SENP2: variants seen among roughly 807,000 people sequenced by gnomAD.
SENP2 encodes the protein SUMO specific peptidase 2.
Under a neutral mutation model 86.3 loss-of-function variants are expected in SENP2, and 16 were observed. That is an observed-to-expected ratio of 0.19 (90% CI 0.13 to 0.28). The LOEUF is 0.28. Ranked by LOEUF, SENP2 falls within the 10% of genes least tolerant of loss-of-function variation. The pLI is 1.00. For missense variants in SENP2, 552 were observed against 703.0 expected, an observed-to-expected ratio of 0.79 and a Z score of 2.43; for synonymous variants, 222 against 238.7, an observed-to-expected ratio of 0.93 and a Z score of 0.64.
In SENP2 at chr3:185,586,538, C is replaced by T; in HGVS notation, c.101+24C>T. 1.3e-6 allele frequency: 2 copies of T among 1,598,664 alleles called. No individual in the cohort carries two copies. The highest frequency in any genetic ancestry group is 1.7e-6 in the Non-Finnish European group (2 of 1,170,374). ...AGGTGAGACGAGAGGGGGCTGAGCG[C>T]CAGCCTGGCCTTACCCCCTCCCCCA... On this transcript the variant is annotated intron_variant, in intron 1 of 16. Coordinates refer to ENST00000296257, the MANE Select transcript of SENP2 (RefSeq NM_021627.3). The surrounding 1 kb of genome is among the most constrained non-coding windows in gnomAD (Gnocchi z 4.3).
In SENP2 at chr3:185,617,554, G is replaced by T; in HGVS notation, c.1185G>T (p.Leu395Phe). ...AAATCCTAAGTAGTGCTTTCAAATTGCGAATTACTCGAGGAGATATTCAGA... is the reference window on the plus strand; with the variant it reads ...AAATCCTAAGTAGTGCTTTCAAATTTCGAATTACTCGAGGAGATATTCAGA... Reference protein sequence around the residue: ...QDEILSSAFKLRITRGDIQTL... With the variant: ...QDEILSSAFKFRITRGDIQTL... The change falls in exon 12 of 17, where the codon TTG becomes TTT. Residue 395 changes from leucine (L) to phenylalanine (F), a missense_variant. Around this residue, in one of 2 missense-constraint regions of SENP2, gnomAD observed 169 missense variants for 275.7 expected, o/e 0.61. Coordinates refer to ENST00000296257, the MANE Select transcript of SENP2 (RefSeq NM_021627.3). 6.2e-7 allele frequency: 1 copy of T among 1,613,728 alleles called. No homozygotes were observed. The highest frequency in any genetic ancestry group is 1.1e-5 in the South Asian group (1 of 91,068).
Position 185,621,879 on chromosome 3 carries a change from G to C in SENP2, c.1500G>C (p.Lys500Asn). ...CLKYLDSMGQ[K>N]GHRICEILLQ... The stretch of plus-strand genomic sequence containing the variant: ...AATATCTGGATTCTATGGGACAAAA[G>C]GGCCACAGGATCTGTGAGATTCTCC... The change falls in exon 14 of 17, where the codon AAG (lysine) becomes AAC (asparagine). Residue 500 changes from lysine (K) to asparagine (N), a missense_variant. By Grantham distance (94) the Lys-to-Asn change is moderately conservative. Around this residue, in one of 2 missense-constraint regions of SENP2, gnomAD observed 169 missense variants for 275.7 expected, o/e 0.61. Transcript: ENST00000296257. 1 of 1,611,840 alleles carries C rather than the reference G, an allele frequency of 6.2e-7. No homozygotes were observed. Among genetic ancestry groups the C allele is most frequent in the South Asian group, 1.1e-5 (1 of 90,898 alleles).
intron 2 of SENP2, among the ~76,000 whole-genome samples, chr3:185,592,161 C>G (rs746718867): frequency 2.6e-5 from 4 of 151,338 alleles, no homozygotes; most frequent in Non-Finnish European, 4.4e-5. Context: ...TCACTGCAGT[C>G]TCAAACTCCT....
chr3:185,606,119 G>T (rs115798619), intron 5 of SENP2, among the ~76,000 whole-genome samples: 1 of 152,114 alleles, frequency 6.6e-6, no homozygotes, highest in Non-Finnish European at 1.5e-5. Flanking sequence ...TTGTGTGGCA[G>T]CTCTAGTTTA....
At chr3:185,623,128 TTTATG>T (rs1376080696) in intron 14 of SENP2, among the ~76,000 whole-genome samples, 3 of 151,040 alleles carry the variant, frequency 2.0e-5, no homozygotes, top group East Asian at 3.9e-4. Context: ...TCTTTGGCTT[TTTATG>T]TTATTTATTT....
intron 5 of SENP2, among the ~76,000 whole-genome samples, chr3:185,602,032 T>G (rs1577724584): frequency 6.6e-6 from 1 of 152,336 alleles, no homozygotes; most frequent in East Asian, 1.9e-4. Flanking sequence ...CCCAGTGTTT[T>G]TTTTCTTTCT....
intron 2 of SENP2, among the ~76,000 whole-genome samples, chr3:185,590,685 G>A (rs1180721072): frequency 6.7e-6 from 1 of 149,610 alleles, no homozygotes; most frequent in Non-Finnish European, 1.5e-5. Flanking sequence ...GGCCAACATG[G>A]TGAAACCCCA....
At chr3:185,588,286 C>T (rs1721866263) in intron 1 of SENP2, among the ~76,000 whole-genome samples, 1 of 151,758 alleles carries the variant, frequency 6.6e-6, no homozygotes, top group Non-Finnish European at 1.5e-5. Context: ...ACCTCAGGAT[C>T]CGCCCGTCTC....
intron 15 of SENP2, among the ~76,000 whole-genome samples, chr3:185,624,896 A>G (rs951713006): frequency 2.6e-5 from 4 of 151,946 alleles, no homozygotes; most frequent in African/African-American, 9.6e-5. Context: ...GAAAAATTTG[A>G]AGGATAAGCT....
In SENP2 at chr3:185,592,011, C is replaced by CTTTTTTTTTTTTTTTTT. The variant is rs149268515; in HGVS notation, c.157+1849_157+1865dup. ...CTGTCTTTAAGAACCGGTAATATTTCTTTTTTTTTTTTTTTTTTTTTTTGA... is the reference window on the plus strand; with the variant it reads ...CTGTCTTTAAGAACCGGTAATATTTCTTTTTTTTTTTTTTTTTTTTTTTTTTTTTTTTTTTTTTTTGA... On this transcript the variant is annotated intron_variant, in intron 2 of 16. Transcript: ENST00000296257. 3.5e-3 allele frequency among the ~76,000 whole-genome samples: 228 copies of CTTTTTTTTTTTTTTTTT among 65,790 alleles called. 48 individuals carry two copies. The highest frequency in any genetic ancestry group is 4.4e-3 in the Non-Finnish European group (163 of 36,698). 43.2% of individuals were successfully genotyped at this position (65,790 alleles called of 152,430 possible). A position where few individuals can be genotyped will look rare whatever the true frequency, so the allele number is the denominator to read the frequency against.
Position 185,590,153 on chromosome 3 carries a change from CA to C in SENP2, c.145del (p.Arg49AspfsTer4). On this transcript the variant is annotated frameshift_variant, in exon 2 of 17. Coordinates refer to ENST00000296257, the MANE Select transcript of SENP2 (RefSeq NM_021627.3). ...CAGTGGACACTGATGAAATACCAGCCAAAAGACCAAGATTAGGTACTGAATA... is the reference window on the plus strand; with the variant it reads ...CAGTGGACACTGATGAAATACCAGCCAAAGACCAAGATTAGGTACTGAATA... ...STVDTDEIPA[K>X]RPRLDCFIHQ... 1 of 1,552,324 alleles carries C rather than the reference CA, an allele frequency of 6.4e-7. No homozygotes were observed. Among genetic ancestry groups the C allele is most frequent in the Non-Finnish European group, 8.7e-7 (1 of 1,148,294 alleles).
At chr3:185,602,523 T>A (rs1054062833) in intron 5 of SENP2, among the ~76,000 whole-genome samples, 14 of 151,700 alleles carry the variant, frequency 9.2e-5, no homozygotes, top group African/African-American at 3.2e-4. Context: ...TGCCAACTAG[T>A]AAGTGTGGAA....
At chr3:185,627,083 CAAAAAAA>C (rs34406883) in intron 16 of SENP2, among the ~76,000 whole-genome samples, 2 of 75,564 alleles carry the variant, frequency 2.6e-5, no homozygotes, top group African/African-American at 1.0e-4. Context: ...AACCCTGTCT[CAAAAAAA>C]AAAAAAAAAA....
At chr3:185,625,301 C>T (rs901624773) in intron 15 of SENP2, among the ~76,000 whole-genome samples, 2 of 151,958 alleles carry the variant, frequency 1.3e-5, no homozygotes, top group South Asian at 2.1e-4. Flanking sequence ...TTAGTAGAGA[C>T]GGAGTTTCAC....
In SENP2 at chr3:185,629,915, T is replaced by C; in HGVS notation, c.*71T>C. ...ACATTTCCATATACCTCATGCATTG[T>C]GGGTTAAAAAGTCCCTGCATCACTT... On this transcript the variant is annotated 3_prime_UTR_variant, in exon 17 of 17. Transcript: ENST00000296257. 2 of 1,492,334 alleles carry C rather than the reference T, an allele frequency of 1.3e-6. No individual in the cohort carries two copies. Among genetic ancestry groups the C allele is most frequent in the South Asian group, 2.3e-5 (2 of 88,362 alleles). The allele number at this position is 1,492,334 out of a possible 1,614,324, so 92.4% of individuals were successfully genotyped here.
At chr3:185,610,154 C>CTTTTT (rs557832407) in intron 7 of SENP2, among the ~76,000 whole-genome samples, 7 of 115,080 alleles carry the variant, frequency 6.1e-5, no homozygotes, top group East Asian at 2.9e-4. Flanking sequence ...TATTATCTAG[C>CTTTTT]TTTTTTTTTT....
chr3:185,611,711 C>A lies in SENP2; in HGVS notation c.783C>A (p.His261Gln). Reference protein sequence around the residue: ...KTKGWGEEQNHGVKTTQFVPK... With the variant: ...KTKGWGEEQNQGVKTTQFVPK... ...AAGGCTGGGGGGAAGAGCAAAATCA[C>A]GGAGTCAAAACAACTCAGTTTGTTC... is the stretch of plus-strand genomic sequence containing the variant. Residue 261 changes from histidine (H) to glutamine (Q), a missense_variant, in exon 8 of 17, where the codon CAC becomes CAA. His to Gln is a conservative substitution (Grantham distance 24). Around this residue, in one of 2 missense-constraint regions of SENP2, gnomAD observed 383 missense variants for 427.3 expected, o/e 0.90. Coordinates refer to ENST00000296257, the MANE Select transcript of SENP2 (RefSeq NM_021627.3). 6.2e-7 allele frequency: 1 copy of A among 1,613,456 alleles called. No individual in the cohort carries two copies. The highest frequency in any genetic ancestry group is 2.2e-5 in the East Asian group (1 of 44,874).
intron 12 of SENP2, among the ~76,000 whole-genome samples, chr3:185,618,674 C>T (rs1335812707): frequency 2.0e-5 from 3 of 152,002 alleles, no homozygotes; most frequent in Admixed American, 6.6e-5. Flanking sequence ...GTCAGGAGAC[C>T]GAGACCACCC....
intron 2 of SENP2, among the ~76,000 whole-genome samples, chr3:185,593,863 G>A (rs1478559106): frequency 6.6e-6 from 1 of 151,490 alleles, no homozygotes; most frequent in Non-Finnish European, 1.5e-5. Flanking sequence ...CGAGTAGCTG[G>A]GATTACAGGC....
Sources: gnomAD v4.1 joint callset for allele counts (sites outside exome capture counted in the v4.1 genomes callset) on GRCh38, gnomAD v4.1.1 for gene constraint, gnomAD v4.1.1 regional missense constraint, Gnocchi (gnomAD v3.1) non-coding constraint, MANE v1.5 for transcripts, NCBI Gene and HGNC (gene_info 2026-07-23, HGNC 2026-07-21) for gene names.